The following SEL1L2 variants were observed in gnomAD, a reference collection of about 807,000 sequenced individuals.
SEL1L2 encodes protein sel-1 homolog 2.
In SEL1L2, 89 loss-of-function variants were observed where a neutral mutation model predicts 98.8. That is an observed-to-expected ratio of 0.90 (90% CI 0.76 to 1.07). The LOEUF (loss-of-function observed/expected upper bound fraction) is 1.07, where lower values mean the gene tolerates loss of function less well. SEL1L2 is among the 50% of genes least tolerant of loss of function. SEL1L2 has a pLI of 0.00. For missense variants in SEL1L2, 788 were observed against 812.0 expected (o/e 0.97, Z 0.36); for synonymous variants, 262 against 278.5 (o/e 0.94, Z 0.59).
At position 13,913,910 on chromosome 20, in the gene SEL1L2, C is replaced by T. The variant is rs2048301002; in HGVS notation, c.421G>A (p.Gly141Arg). The change falls in exon 5 of 20, where the codon GGA (glycine) becomes AGA (arginine). Residue 141 changes from glycine (G) to arginine (R), a missense_variant. Gly to Arg is a moderately radical substitution (Grantham distance 125). Transcript: ENST00000284951. ...YLLFAKAADMGNLKAMEKMAD... is the reference protein window; with the variant it reads ...YLLFAKAADMRNLKAMEKMAD... ...ATTTTCTCCATAGCTTTCAAGTTTC[C>T]CATGTCAGCTGCTTTGGCAAAAAGT... 2 of 1,563,022 alleles carry T rather than the reference C, an allele frequency of 1.3e-6. No homozygotes were observed. Among genetic ancestry groups the T allele is most frequent in the Non-Finnish European group, 8.6e-7 (1 of 1,163,100 alleles).
rs548184469 is a variant in SEL1L2, at chr20:13,887,174, T to C, written c.745+595A>G. 6.6e-5 allele frequency among the ~76,000 whole-genome samples: 10 copies of C among 152,236 alleles called. 1 individual carries two copies. The highest frequency in any genetic ancestry group is 1.3e-4 in the Admixed American group (2 of 15,282). On this transcript the variant is annotated intron_variant, in intron 8 of 19. Coordinates refer to ENST00000284951, the MANE Select transcript of SEL1L2 (RefSeq NM_025229.2). ...TGAATACACCTAACAAAGTGTGCAG[T>C]TTGAAATATATATAGTAATTCCAAT...
At chr20:13,920,140 A>T (rs1221976520) in intron 3 of SEL1L2, among the ~76,000 whole-genome samples, 1 of 147,666 alleles carries the variant, frequency 6.8e-6, no homozygotes, top group Non-Finnish European at 1.5e-5. Flanking sequence ...AGATGGGAGG[A>T]TCCCTTGAAC....
At chr20:13,964,635 A>G (rs2050955810) in intron 1 of SEL1L2, among the ~76,000 whole-genome samples, 1 of 151,714 alleles carries the variant, frequency 6.6e-6, no homozygotes, top group Non-Finnish European at 1.5e-5. Context: ...TATTTTTAGT[A>G]GAGACGGGGT....
chr20:13,914,053 T>A (rs1457506250), intron 4 of SEL1L2, 109 bp from the exon 5 acceptor site: 1 of 978,452 alleles, frequency 1.0e-6, no homozygotes, highest in Non-Finnish European at 1.5e-6. Context: ...CCAGTTGTCA[T>A]ACAGTTTAGC....
intron 14 of SEL1L2, among the ~76,000 whole-genome samples, chr20:13,867,121 A>C (rs1202162399): frequency 6.6e-6 from 1 of 152,204 alleles, no homozygotes; most frequent in African/African-American, 2.4e-5. Flanking sequence ...GTATCTCCTC[A>C]CTATGGCATA....
intron 1 of SEL1L2, among the ~76,000 whole-genome samples, chr20:13,983,817 C>A (rs573352407): frequency 1.3e-5 from 2 of 151,450 alleles, no homozygotes; most frequent in South Asian, 4.2e-4. Flanking sequence ...CACTGTGGCC[C>A]GCCAGCACTA....
chr20:13,866,104 T>C lies in SEL1L2; in HGVS notation c.1405-590A>G, dbSNP rs151092719. Among the ~76,000 whole-genome samples the C allele has an allele frequency of 5.1e-3, 771 of 152,212 alleles. 8 individuals are homozygous for C. The highest frequency in any genetic ancestry group is 0.017 in the African/African-American group (720 of 41,518). Reference sequence around the variant, plus strand: ...GCAAAGGAGCAAATCTAAAGATAGATCATTAGCTGGCAGCTTTTGAAATAA... The same window carrying C: ...GCAAAGGAGCAAATCTAAAGATAGACCATTAGCTGGCAGCTTTTGAAATAA... On this transcript the variant is annotated intron_variant, in intron 15 of 19. Coordinates refer to ENST00000284951, the MANE Select transcript of SEL1L2 (RefSeq NM_025229.2).
intron 1 of SEL1L2, among the ~76,000 whole-genome samples, chr20:13,967,213 C>T (rs1433353814): frequency 6.6e-6 from 1 of 152,108 alleles, no homozygotes; most frequent in East Asian, 1.9e-4. Context: ...GTAGCATTAG[C>T]ATCTGTGAGA....
At chr20:13,851,238 A>G (rs1490695341) in intron 18 of SEL1L2, 1 of 152,302 alleles carries the variant, frequency 6.6e-6, no homozygotes, top group Non-Finnish European at 1.5e-5. Flanking sequence ...AAAGAAAAAA[A>G]AAATTGTACA....
At chr20:13,927,559 A>G (rs1191888172) in intron 3 of SEL1L2, among the ~76,000 whole-genome samples, 1 of 152,240 alleles carries the variant, frequency 6.6e-6, no homozygotes, top group Non-Finnish European at 1.5e-5. Context: ...ACAGATTATT[A>G]TATGTGTTTT....
intron 12 of SEL1L2, among the ~76,000 whole-genome samples, chr20:13,873,649 C>G (rs1427666545): frequency 5.9e-5 from 9 of 152,200 alleles, no homozygotes; most frequent in Non-Finnish European, 1.3e-4. Context: ...CGTGATCCAC[C>G]ATGCCTGGCC....
In SEL1L2 at chr20:13,865,209, A is replaced by G; in HGVS notation, c.1603T>C (p.Tyr535His). 1 of 1,613,776 alleles carries G rather than the reference A, an allele frequency of 6.2e-7. No individual in the cohort carries two copies. Among genetic ancestry groups the G allele is most frequent in the Non-Finnish European group, 8.5e-7 (1 of 1,179,730 alleles). The change falls in exon 17 of 20, where the codon TAT becomes CAT. Residue 535 changes from tyrosine to histidine, a missense_variant. By Grantham distance (83) the Tyr-to-His change is moderately conservative. Coordinates refer to ENST00000284951, the MANE Select transcript of SEL1L2 (RefSeq NM_025229.2). ...TTCCATAGGAGAAGCGCCATTGGAT[A>G]CATCTTCTCTTTTTCAAGAATGTTA... ...KANILEKEKM[Y>H]PMALLLWNRA...
upstream of SEL1L2, chr20:13,990,696 C>T (rs944447720): frequency 8.7e-6 from 5 of 576,732 alleles, no homozygotes; most frequent in South Asian, 2.3e-5. Context: ...CCTTTCAAGC[C>T]GGAATGAAGG....
chr20:13,943,192 T>G (rs778331923), intron 2 of SEL1L2, among the ~76,000 whole-genome samples: 1 of 152,322 alleles, frequency 6.6e-6, no homozygotes, highest in Non-Finnish European at 1.5e-5. Context: ...CAAATAAGAA[T>G]AGTAGACAGC....
chr20:13,967,323 T>C (rs370679731), intron 1 of SEL1L2, among the ~76,000 whole-genome samples: 60 of 152,354 alleles, frequency 3.9e-4, no homozygotes, highest in Middle Eastern at 3.4e-3. Context: ...GGCTTTTTCT[T>C]GCTCTGATCA....
intron 2 of SEL1L2, among the ~76,000 whole-genome samples, chr20:13,947,032 G>A (rs896557000): frequency 6.6e-6 from 1 of 152,190 alleles, no homozygotes; most frequent in African/African-American, 2.4e-5. Context: ...ACATGTAGAT[G>A]GCAGCAGGAG....
At chr20:13,983,678 C>T (rs1223257661) in intron 1 of SEL1L2, among the ~76,000 whole-genome samples, 13 of 152,078 alleles carry the variant, frequency 8.5e-5, no homozygotes, top group African/African-American at 2.2e-4. Flanking sequence ...TGCACCACCA[C>T]GCCCAGCTAA....
At position 13,931,672 on chromosome 20, in the gene SEL1L2, T is replaced by C. The variant is rs755365337; in HGVS notation, c.214A>G (p.Lys72Glu). 3 of 1,546,132 alleles carry C rather than the reference T, an allele frequency of 1.9e-6. No homozygotes were observed. In the East Asian group the frequency reaches 6.9e-5, roughly 35 times the overall value. The change falls in exon 3 of 20, where the codon AAG becomes GAG. Residue 72 changes from lysine (K) to glutamate (E), a missense_variant. Physicochemically the swap from Lys to Glu is moderately conservative, Grantham distance 56 (BLOSUM62 1). Coordinates refer to ENST00000284951, the MANE Select transcript of SEL1L2 (RefSeq NM_025229.2). ...TTTATTCTTATTTTACGTTGATTCTTCTTTTTCTCCAGGAGATTTTCTCTT... is the reference window on the plus strand; with the variant it reads ...TTTATTCTTATTTTACGTTGATTCTCCTTTTTCTCCAGGAGATTTTCTCTT... The part of the protein sequence containing the change: ...NKRENLLEKK[K>E]NQRKIRIKGI...
chr20:13,973,902 A>G (rs968100969), intron 1 of SEL1L2, among the ~76,000 whole-genome samples: 2 of 152,048 alleles, frequency 1.3e-5, no homozygotes, highest in Admixed American at 6.6e-5. Flanking sequence ...TTTCTCAGAG[A>G]TATATATTTT....
Sources: allele counts gnomAD v4.1 joint callset (sites outside exome capture counted in the v4.1 genomes callset), GRCh38; gene constraint gnomAD v4.1.1; transcripts MANE v1.5; gene names NCBI Gene and HGNC (gene_info 2026-07-23, HGNC 2026-07-21).